TMEM178B: variants seen among roughly 807,000 people sequenced by gnomAD.
TMEM178B encodes the protein transmembrane protein 178B.
Under a neutral mutation model 31.0 loss-of-function variants are expected in TMEM178B, and 5 were observed. The observed-to-expected ratio is 0.16, with a 90% CI of 0.08 to 0.34. The LOEUF (loss-of-function observed/expected upper bound fraction) is 0.34. Ranked by LOEUF, TMEM178B falls within the 10% of genes least tolerant of loss-of-function variation. The pLI, the probability that TMEM178B is intolerant of heterozygous loss-of-function variation, is 1.00. For missense variants in TMEM178B, 275 were observed against 400.3 expected (o/e 0.69, Z 2.67); for synonymous variants, 164 against 164.0 (o/e 1.00, Z 0.00).
At chr7:141,378,054 T>G (rs1474887708) in intron 2 of TMEM178B, among the ~76,000 whole-genome samples, 1 of 152,252 alleles carries the variant, frequency 6.6e-6, no homozygotes, top group Non-Finnish European at 1.5e-5. Flanking sequence ...GTGTCTCCTT[T>G]GTCTCCTCTG....
intron 2 of TMEM178B, among the ~76,000 whole-genome samples, chr7:141,402,093 G>A (rs935585620): frequency 6.6e-6 from 1 of 152,128 alleles, no homozygotes; most frequent in Non-Finnish European, 1.5e-5. Context: ...CGGTGCCAGG[G>A]AGACACAAAG....
intron 2 of TMEM178B, among the ~76,000 whole-genome samples, chr7:141,228,391 T>C (rs1279983183): frequency 2.0e-5 from 3 of 148,780 alleles, no homozygotes; most frequent in Non-Finnish European, 4.5e-5. Context: ...TCTTCTTTCT[T>C]TTTTTTTTTA....
intron 2 of TMEM178B, among the ~76,000 whole-genome samples, chr7:141,418,150 A>C (rs2116647215): frequency 6.6e-6 from 1 of 152,312 alleles, no homozygotes; most frequent in South Asian, 2.1e-4. Context: ...AATATACTTA[A>C]GTCTTACATC....
At chr7:141,328,572 C>T (rs1481768041) in intron 2 of TMEM178B, among the ~76,000 whole-genome samples, 2 of 152,210 alleles carry the variant, frequency 1.3e-5, no homozygotes, top group African/African-American at 4.8e-5. Flanking sequence ...ATCTGAGTCC[C>T]TGTGAGTCCT....
chr7:141,204,531 G>A (rs967097385), intron 1 of TMEM178B, among the ~76,000 whole-genome samples: 1 of 152,152 alleles, frequency 6.6e-6, no homozygotes, highest in African/African-American at 2.4e-5. Context: ...ATGTGGCACA[G>A]GACACTGAGG....
intron 1 of TMEM178B, among the ~76,000 whole-genome samples, chr7:141,123,699 A>T (rs1795444892): frequency 6.6e-6 from 1 of 152,090 alleles, no homozygotes; most frequent in African/African-American, 2.4e-5. Context: ...GCTGATATAC[A>T]TGCTAGGATG....
At chr7:141,380,835 A>C (rs1313838501) in intron 2 of TMEM178B, among the ~76,000 whole-genome samples, 1 of 152,220 alleles carries the variant, frequency 6.6e-6, no homozygotes, top group African/African-American at 2.4e-5. Context: ...CAGCATGCTA[A>C]TCTCTGCATT....
At chr7:141,082,410 A>G (rs891768067) in intron 1 of TMEM178B, among the ~76,000 whole-genome samples, 1 of 152,338 alleles carries the variant, frequency 6.6e-6, no homozygotes, top group Admixed American at 6.5e-5. Context: ...GTTCTGAAAA[A>G]CTGTTTGCTG....
chr7:141,254,285 A>T (rs1214997462), intron 2 of TMEM178B, among the ~76,000 whole-genome samples: 1 of 152,216 alleles, frequency 6.6e-6, no homozygotes, highest in African/African-American at 2.4e-5. Flanking sequence ...TGATGCCAGC[A>T]AGGCTGCCTG....
chr7:141,361,693 A>G (rs1229287522), intron 2 of TMEM178B, among the ~76,000 whole-genome samples: 2 of 152,132 alleles, frequency 1.3e-5, no homozygotes, highest in Non-Finnish European at 2.9e-5. Flanking sequence ...GTTTGCCACC[A>G]TCACCCTCTC....
intron 2 of TMEM178B, among the ~76,000 whole-genome samples, chr7:141,360,029 G>C (rs573566202): frequency 1.3e-5 from 2 of 152,080 alleles, no homozygotes; most frequent in Non-Finnish European, 1.5e-5. Flanking sequence ...CTCCCACCGG[G>C]TTCCTCCCAC....
At chr7:141,158,484 G>A (rs1743037712) in intron 1 of TMEM178B, among the ~76,000 whole-genome samples, 1 of 152,182 alleles carries the variant, frequency 6.6e-6, no homozygotes, top group Non-Finnish European at 1.5e-5. Context: ...ATATCCGGAT[G>A]TTGCTAAGAA....
intron 1 of TMEM178B, among the ~76,000 whole-genome samples, chr7:141,128,759 G>C (rs1795547532): frequency 6.6e-6 from 1 of 152,100 alleles, no homozygotes; most frequent in Non-Finnish European, 1.5e-5. Flanking sequence ...AGAGAACAAA[G>C]AGTCATCTGT....
chr7:141,268,317 A>T (rs990461581), intron 2 of TMEM178B, among the ~76,000 whole-genome samples: 1 of 152,212 alleles, frequency 6.6e-6, no homozygotes, highest in African/African-American at 2.4e-5. Context: ...GAAATCATTG[A>T]TGTTTTATGA....
chr7:141,194,455 A>C (rs377230765), intron 1 of TMEM178B, among the ~76,000 whole-genome samples: 76 of 152,324 alleles, frequency 5.0e-4, no homozygotes, highest in African/African-American at 1.8e-3. Context: ...GTCAAATGTT[A>C]AAGCTCCAAA....
chr7:141,217,371 G>T lies in TMEM178B; in HGVS notation c.496+4667G>T, dbSNP rs563403032. On this transcript the variant is annotated intron_variant, in intron 2 of 3. Coordinates refer to ENST00000565468, the MANE Select transcript of TMEM178B (RefSeq NM_001195278.2). ...TCTGCGACAGGACCTGGGCAGCCAG[G>T]GTGGGCTATATCAGAGGAAGCTGAG... Among the ~76,000 whole-genome samples the T allele has an allele frequency of 1.8e-3, 275 of 152,330 alleles. 2 individuals are homozygous for T. The highest frequency in any genetic ancestry group is 5.9e-3 in the African/African-American group (247 of 41,580).
chr7:141,316,499 T>C (rs1563149518), intron 2 of TMEM178B, among the ~76,000 whole-genome samples: 1 of 152,158 alleles, frequency 6.6e-6, no homozygotes, highest in African/African-American at 2.4e-5. Flanking sequence ...AGCAGTGATC[T>C]AGGGGGAGTC....
rs1445825621 is a variant in TMEM178B at position 141,477,878 on chromosome 7, C to T, written c.*7092C>T. The T allele has an allele frequency of 6.6e-6, 1 of 152,256 alleles. No homozygotes were observed. Among genetic ancestry groups the T allele is most frequent in the African/African-American group, 2.4e-5 (1 of 41,440 alleles). The allele number at this position is 152,256 out of a possible 1,614,324, so 9.4% of individuals were successfully genotyped here. A position where few individuals can be genotyped will look rare whatever the true frequency, so the allele number is the denominator to read the frequency against. On this transcript the variant is annotated 3_prime_UTR_variant, in exon 4 of 4. Transcript: ENST00000565468. Reference sequence around the variant, plus strand: ...TAGCAGCCAGTTTGCACTCAGAGTCCAGAGCCTTCTATCTACCGTTTCATT... The same window carrying T: ...TAGCAGCCAGTTTGCACTCAGAGTCTAGAGCCTTCTATCTACCGTTTCATT...
At chr7:141,290,532 C>T (rs553676214) in intron 2 of TMEM178B, among the ~76,000 whole-genome samples, 1 of 84,534 alleles carries the variant, frequency 1.2e-5, no homozygotes, top group East Asian at 2.0e-4. Flanking sequence ...CACACATACA[C>T]ATGTGCACAC....
Sources: gnomAD v4.1 joint callset for allele counts (sites outside exome capture counted in the v4.1 genomes callset) on GRCh38, gnomAD v4.1.1 for gene constraint, MANE v1.5 for transcripts, NCBI Gene and HGNC (gene_info 2026-07-23, HGNC 2026-07-21) for gene names.